The following TTC28 variants were observed in gnomAD, a reference collection of about 807,000 sequenced individuals.
TTC28 encodes the protein tetratricopeptide repeat domain 28.
TTC28 carries 61 observed loss-of-function variants against 198.0 expected under a neutral mutation model. That is an observed-to-expected ratio of 0.31 (90% CI 0.25 to 0.38). The LOEUF (loss-of-function observed/expected upper bound fraction) is 0.38. Ranked by LOEUF, TTC28 falls within the 10% of genes least tolerant of loss-of-function variation. The pLI, the probability that TTC28 is intolerant of heterozygous loss-of-function variation, is 1.00. For synonymous variants in TTC28, 1,171 were observed against 1,297.8 expected, an observed-to-expected ratio of 0.90 and a Z score of 2.10; for missense variants, 2,678 against 3,164.0, an observed-to-expected ratio of 0.85 and a Z score of 3.69.
Position 28,679,607 on chromosome 22 carries a change from C to G in TTC28, c.102+15G>C. On this transcript the variant is annotated intron_variant, in intron 1 of 22. Transcript: ENST00000397906. ...ACAAAGAAAGTCTCCCGGCCCGAGCCCCTCACGCACTCACCGGCGCCGACG... is the reference window on the plus strand; with the variant it reads ...ACAAAGAAAGTCTCCCGGCCCGAGCGCCTCACGCACTCACCGGCGCCGACG... The G allele has an allele frequency of 6.9e-7, 1 of 1,444,022 alleles. No homozygotes were observed. Among genetic ancestry groups the G allele is most frequent in the Non-Finnish European group, 9.1e-7 (1 of 1,094,372 alleles). 89.5% of individuals were successfully genotyped at this position (1,444,022 alleles called of 1,614,324 possible). A position where few individuals can be genotyped will look rare whatever the true frequency, so the allele number is the denominator to read the frequency against.
chr22:28,545,578 C>T (rs1338020059), intron 2 of TTC28, among the ~76,000 whole-genome samples: 1 of 151,668 alleles, frequency 6.6e-6, no homozygotes, highest in Non-Finnish European at 1.5e-5. Flanking sequence ...GACTGTGTCT[C>T]TAAAAACAAA....
At chr22:28,294,584 C>A (rs1327013315) in intron 5 of TTC28, among the ~76,000 whole-genome samples, 4 of 151,570 alleles carry the variant, frequency 2.6e-5, no homozygotes. Flanking sequence ...TTCTTTCCCC[C>A]CCAAGATGGA....
intron 6 of TTC28, among the ~76,000 whole-genome samples, chr22:28,154,404 T>C (rs1254743493): frequency 1.3e-5 from 2 of 149,406 alleles, no homozygotes; most frequent in African/African-American, 5.0e-5. Flanking sequence ...CAGGCTGGAG[T>C]GCAGTGGCGC....
chr22:28,451,404 A>G (rs1345781874), intron 2 of TTC28, among the ~76,000 whole-genome samples: 1 of 152,218 alleles, frequency 6.6e-6, no homozygotes, highest in African/African-American at 2.4e-5. Flanking sequence ...CCAGCACTCA[A>G]TGAAAATGTC....
intron 2 of TTC28, among the ~76,000 whole-genome samples, chr22:28,540,015 G>A (rs1472889613): frequency 6.8e-6 from 1 of 147,248 alleles, no homozygotes; most frequent in East Asian, 2.1e-4. Context: ...CACGATCTCG[G>A]CTCACTGCAA....
At chr22:28,129,842 A>T (rs2146960479) in intron 6 of TTC28, among the ~76,000 whole-genome samples, 1 of 152,210 alleles carries the variant, frequency 6.6e-6, no homozygotes, top group East Asian at 1.9e-4. Flanking sequence ...ATCACAGGGG[A>T]CCTTGTTAAC....
In TTC28 at chr22:28,442,549, C is replaced by G. The variant is rs562570888; in HGVS notation, c.382-135906G>C. On this transcript the variant is annotated intron_variant, in intron 2 of 22. Coordinates refer to ENST00000397906, the MANE Select transcript of TTC28 (RefSeq NM_001145418.2). ...TCAAATCCACTCCCGCCCCACGCCC[C>G]GCCATGGGGCAACACCTAGTAGGTC... Among the ~76,000 whole-genome samples the G allele has an allele frequency of 1.3e-3, 191 of 152,374 alleles. 2 individuals carry two copies. Among genetic ancestry groups the G allele is most frequent in the African/African-American group, 4.2e-3 (175 of 41,600 alleles).
At chr22:28,214,501 C>T (rs1039969217) in intron 5 of TTC28, among the ~76,000 whole-genome samples, 2 of 152,184 alleles carry the variant, frequency 1.3e-5, no homozygotes, top group Non-Finnish European at 2.9e-5. Context: ...CAAAAGAAGA[C>T]ATTTATGCAG....
chr22:28,358,770 TGGTCTATAATGGA>T (rs1362832268), intron 2 of TTC28, among the ~76,000 whole-genome samples: 1 of 152,176 alleles, frequency 6.6e-6, no homozygotes, highest in Non-Finnish European at 1.5e-5. Flanking sequence ...ATGTGTCCAC[TGGTCTATAATGGA>T]GGAGCTACAG....
chr22:28,042,423 C>A (rs1601552012), intron 12 of TTC28, among the ~76,000 whole-genome samples: 2 of 152,084 alleles, frequency 1.3e-5, no homozygotes, highest in South Asian at 4.1e-4. Context: ...GAGTTCATAA[C>A]CTTTGCAGGG....
chr22:28,107,381 C>G lies in TTC28; in HGVS notation c.2464G>C (p.Asp822His), dbSNP rs1312820141. The G allele has an allele frequency of 6.4e-7, 1 of 1,551,784 alleles. No individual in the cohort carries two copies. The highest frequency in any genetic ancestry group is 1.4e-5 in the African/African-American group (1 of 73,050). ...MAFKCYEEQL[D>H]LGQKLKDPSL... Reference sequence around the variant, plus strand: ...GGATCCTTCAGCTTTTGCCCTAGATCCAGTTGCTCTTCATAACACTTGAAT... The same window carrying G: ...GGATCCTTCAGCTTTTGCCCTAGATGCAGTTGCTCTTCATAACACTTGAAT... The change falls in exon 7 of 23, where the codon GAT becomes CAT. Residue 822 changes from aspartate to histidine, a missense_variant. This residue lies in a region of TTC28 where 775 missense variants were observed against 845.9 expected (regional missense o/e 0.92). Coordinates refer to ENST00000397906, the MANE Select transcript of TTC28 (RefSeq NM_001145418.2).
intron 2 of TTC28, among the ~76,000 whole-genome samples, chr22:28,459,275 CA>C (rs1317581891): frequency 4.6e-5 from 7 of 151,982 alleles, no homozygotes; most frequent in Admixed American, 3.9e-4. Flanking sequence ...CAACAAAATA[CA>C]AAAAATTACC....
In TTC28 at chr22:28,163,607, G is replaced by A. The variant is rs16986103; in HGVS notation, c.934-8C>T. 6.6e-7 allele frequency: 1 copy of A among 1,515,222 alleles called. No individual in the cohort carries two copies. The highest frequency in any genetic ancestry group is 1.4e-5 in the African/African-American group (1 of 71,664). The allele number at this position is 1,515,222 out of a possible 1,614,324, so 93.9% of individuals were successfully genotyped here. On this transcript the variant is annotated splice_region_variant and splice_polypyrimidine_tract_variant and intron_variant, in intron 5 of 22. Transcript: ENST00000397906. ...CAAGGCTGATGAAGCTGCCTGGAGA[G>A]AAAAGGATAAAGTGGAGAAATGAAA...
intron 2 of TTC28, among the ~76,000 whole-genome samples, chr22:28,622,915 G>A (rs186481647): frequency 1.0e-3 from 155 of 151,800 alleles, no homozygotes; most frequent in Non-Finnish European, 1.8e-3. Flanking sequence ...TCTGCCTCCC[G>A]GGTTCAAGCG....
intron 2 of TTC28, among the ~76,000 whole-genome samples, chr22:28,563,964 A>T (rs992228081): frequency 6.6e-6 from 1 of 152,220 alleles, no homozygotes; most frequent in Non-Finnish European, 1.5e-5. Flanking sequence ...ATTCAGCAAT[A>T]AAAAGGAATG....
At chr22:28,538,055 C>A (rs1264837735) in intron 2 of TTC28, among the ~76,000 whole-genome samples, 1 of 152,144 alleles carries the variant, frequency 6.6e-6, no homozygotes, top group African/African-American at 2.4e-5. Context: ...TCATTGCATA[C>A]ATATCTAATT....
chr22:28,519,200 G>A (rs1362517254), intron 2 of TTC28, among the ~76,000 whole-genome samples: 1 of 152,130 alleles, frequency 6.6e-6, no homozygotes, highest in African/African-American at 2.4e-5. Context: ...TCAGATCCAG[G>A]AACCCTCACA....
Position 28,581,313 on chromosome 22 carries a change from T to C in TTC28, c.381+48239A>G, listed in dbSNP as rs564184407. Among the ~76,000 whole-genome samples the C allele has an allele frequency of 2.9e-3, 437 of 152,304 alleles. 2 individuals are homozygous for C. The highest frequency in any genetic ancestry group is 9.8e-3 in the African/African-American group (407 of 41,572). On this transcript the variant is annotated intron_variant, in intron 2 of 22. Transcript: ENST00000397906. ...GAGGCCTCCCCAGCCACAGTACCCG[T>C]AAAGCCGGAAGAACCAACCTCTTTT...
chr22:28,157,249 C>G (rs532096087), intron 6 of TTC28, among the ~76,000 whole-genome samples: 296 of 152,204 alleles, frequency 1.9e-3, no homozygotes, highest in Middle Eastern at 3.4e-3. Flanking sequence ...AAGATTGAAC[C>G]ATGAAGAAAT....
Sources: gnomAD v4.1 joint callset for allele counts (sites outside exome capture counted in the v4.1 genomes callset) on GRCh38, gnomAD v4.1.1 for gene constraint, gnomAD v4.1.1 regional missense constraint, MANE v1.5 for transcripts, NCBI Gene and HGNC (gene_info 2026-07-23, HGNC 2026-07-21) for gene names.